Variants in BCAP31 observed in about 807,000 individuals in gnomAD.
BCAP31 encodes B-cell receptor-associated protein 31.
For missense variants in BCAP31, 124 were observed against 193.0 expected (o/e 0.64, Z 2.12); for synonymous variants, 75 against 80.9 (o/e 0.93, Z 0.39).
chrX:153,721,133 A>G lies in BCAP31; in HGVS notation c.93-161T>C, dbSNP rs782504446. ...CTTGCAATTCTCTAATTTGACATCC[A>G]TTCAAGACTATTGGAAAAAAGGCCA... is the stretch of plus-strand genomic sequence containing the variant. On this transcript the variant is annotated intron_variant, in intron 2 of 7. Transcript: ENST00000345046. The G allele has an allele frequency of 1.2e-4, 54 of 445,581 alleles. No homozygotes were observed. In the African/African-American group the frequency reaches 1.2e-3, roughly 10 times the overall value. 36.7% of individuals were successfully genotyped at this position (445,581 alleles called of 1,213,427 possible).
At chrX:153,702,157 TA>T (rs2091522660) in intron 6 of BCAP31, 50 bp from the exon 7 acceptor site, 2 of 1,104,458 alleles carry the variant, frequency 1.8e-6, no homozygotes, top group East Asian at 3.1e-5. Flanking sequence ...AGACAGGAAT[TA>T]GGGGGAAAAA....
chrX:153,704,429 A>G (rs2091540686), intron 4 of BCAP31, among the ~76,000 whole-genome samples: 1 of 112,259 alleles, frequency 8.9e-6, no homozygotes, highest in Non-Finnish European at 1.9e-5. Context: ...CAGACAAGCC[A>G]CAGCACCACC....
At chrX:153,717,104 C>T (rs567668785) in intron 3 of BCAP31, among the ~76,000 whole-genome samples, 1 of 111,821 alleles carries the variant, frequency 8.9e-6, no homozygotes, top group South Asian at 3.7e-4. Flanking sequence ...TCCATCTCTC[C>T]CAAAGTAGAC....
chrX:153,715,141 G>A (rs1229681359), intron 4 of BCAP31, among the ~76,000 whole-genome samples: 8 of 111,858 alleles, frequency 7.2e-5, no homozygotes, highest in African/African-American at 2.6e-4. Flanking sequence ...ACTTTTACCT[G>A]CTGTCCCTAG....
chrX:153,703,196 C>A, intron 5 of BCAP31, 138 bp from the exon 6 acceptor site: 1 of 923,699 alleles, frequency 1.1e-6, no homozygotes, highest in Non-Finnish European at 1.5e-6. Context: ...CGGAACCGAG[C>A]CACCACTTGC....
chrX:153,724,054 G>A (rs2091689615), intron 1 of BCAP31: 3 of 332,200 alleles, frequency 9.0e-6, no homozygotes, highest in Admixed American at 3.2e-5. Context: ...CCAGAGCGAG[G>A]GGCCTCCGAC....
At position 153,703,811 on chromosome X, in the gene BCAP31, C is replaced by T. The variant is rs781968144; in HGVS notation, c.477+148G>A. ...GCAGGCATACTCTCCCCACTGAGGA[C>T]TTCCCCTCTGCGCCTCCACCCAACT... On this transcript the variant is annotated intron_variant, in intron 5 of 7. Coordinates refer to ENST00000345046, the MANE Select transcript of BCAP31 (RefSeq NM_001256447.2). The T allele has an allele frequency of 5.1e-5, 43 of 845,618 alleles. No homozygotes were observed. In the Admixed American group the frequency reaches 1.2e-3, roughly 24 times the overall value. 69.7% of individuals were successfully genotyped at this position (845,618 alleles called of 1,213,427 possible).
chrX:153,716,410 A>C (rs1314212878), intron 3 of BCAP31, among the ~76,000 whole-genome samples: 4 of 108,039 alleles, frequency 3.7e-5, no homozygotes, highest in Non-Finnish European at 7.7e-5. Context: ...GAACCTGGAG[A>C]TGGAAATGCC....
intron 4 of BCAP31, among the ~76,000 whole-genome samples, chrX:153,711,982 T>A (rs2091594944): frequency 9.7e-6 from 1 of 103,174 alleles, no homozygotes; most frequent in South Asian, 4.3e-4. Flanking sequence ...AAGAGACAGA[T>A]AATAGGAGTG....
At chrX:153,718,317 C>CA (rs60097594) in intron 3 of BCAP31, among the ~76,000 whole-genome samples, 6,121 of 30,058 alleles carry the variant, frequency 0.2, 503 homozygotes, top group African/African-American at 0.24. Flanking sequence ...GATTCCATCT[C>CA]AAAAAAAAAA....
Position 153,723,209 on chromosome X carries a change from G to A in BCAP31, c.36C>T (p.Leu12=), listed in dbSNP as rs781831472. The A allele has an allele frequency of 1.5e-5, 18 of 1,208,632 alleles. No homozygotes were observed. In the Admixed American group the frequency reaches 3.5e-4, roughly 23 times the overall value. ...GCAACACAACAAAGACCTCCGCATA[G>A]AGGAAGGTGGCAACTGCAGTCCACT... ...SLQWTAVATF[L]YAEVFVVLLL... The change falls in exon 2 of 8, where the codon CTC becomes CTT. Residue 12 remains leucine, a synonymous_variant. Transcript: ENST00000345046.
chrX:153,704,692 C>A (rs1273235599), intron 4 of BCAP31: 1 of 112,887 alleles, frequency 8.9e-6, no homozygotes, highest in Non-Finnish European at 1.9e-5. Context: ...CTCGGAACCA[C>A]TCTGCTCTCT....
At chrX:153,715,445 C>CA (rs2091620217) in intron 4 of BCAP31, 97 bp downstream of exon 4, 2 of 1,101,804 alleles carry the variant, frequency 1.8e-6, no homozygotes, top group Admixed American at 2.3e-5. Flanking sequence ...GAGGAGGAAT[C>CA]AAAGTCACAG....
intron 2 of BCAP31, among the ~76,000 whole-genome samples, chrX:153,722,403 C>G (rs1193712706): frequency 1.8e-5 from 2 of 111,476 alleles, no homozygotes; most frequent in Non-Finnish European, 3.8e-5. Flanking sequence ...ATTGTCTGTC[C>G]TCTAAAGCTT....
Position 153,723,247 on chromosome X carries a change from T to C in BCAP31, c.-3A>G, listed in dbSNP as rs782585750. On this transcript the variant is annotated 5_prime_UTR_variant, in exon 2 of 8. Coordinates refer to ENST00000345046, the MANE Select transcript of BCAP31 (RefSeq NM_001256447.2). ...ACTGCAGTCCACTGCAGACTCATCC[T>C]GTTGCTAGAAGGTTTCCCACAGGAA... 1.7e-6 allele frequency: 2 copies of C among 1,209,257 alleles called. No homozygotes were observed. The highest frequency in any genetic ancestry group is 4.4e-5 in the Admixed American group (2 of 45,829).
intron 4 of BCAP31, among the ~76,000 whole-genome samples, chrX:153,708,733 C>G (rs782269048): frequency 8.8e-6 from 1 of 113,076 alleles, no homozygotes; most frequent in African/African-American, 3.2e-5. Context: ...CTCAGCGACT[C>G]TTACCCACCA....
At chrX:153,711,037 C>T (rs1468645360) in intron 4 of BCAP31, among the ~76,000 whole-genome samples, 2 of 111,985 alleles carry the variant, frequency 1.8e-5, no homozygotes, top group Non-Finnish European at 3.8e-5. Flanking sequence ...CTCAACCCTG[C>T]TCTCCCTGTC....
At chrX:153,719,337 T>C (rs2091649681) in intron 3 of BCAP31, among the ~76,000 whole-genome samples, 1 of 111,077 alleles carries the variant, frequency 9.0e-6, no homozygotes, top group Admixed American at 9.6e-5. Context: ...ATATATTACC[T>C]ACCTACTCCT....
At chrX:153,724,017 G>A (rs2091689245) in intron 1 of BCAP31, 1 of 342,576 alleles carries the variant, frequency 2.9e-6, no homozygotes, top group East Asian at 8.3e-5. Context: ...GGTCCTTACA[G>A]TAGCCCTCGC....
Sources: gnomAD v4.1 joint callset for allele counts (sites outside exome capture counted in the v4.1 genomes callset) on GRCh38, gnomAD v4.1.1 for gene constraint, MANE v1.5 for transcripts, NCBI Gene and HGNC (gene_info 2026-07-23, HGNC 2026-07-21) for gene names.